Variants in ZNF638 observed in about 807,000 individuals in gnomAD.
ZNF638 encodes the protein CTCL tumor antigen se33-1.
A neutral mutation model predicts 195.6 loss-of-function variants in ZNF638; 46 were observed. That is an observed-to-expected ratio of 0.24 (90% CI 0.19 to 0.30). The LOEUF (loss-of-function observed/expected upper bound fraction) is 0.30, where lower values mean the gene tolerates loss of function less well. Ranked by LOEUF, ZNF638 falls within the 10% of genes least tolerant of loss-of-function variation. ZNF638 has a pLI of 1.00. For synonymous variants in ZNF638, 845 were observed against 772.0 expected, an observed-to-expected ratio of 1.09 and a Z score of -1.57; for missense variants, 2,440 against 2,325.3, an observed-to-expected ratio of 1.05 and a Z score of -1.01.
At chr2:71,388,613 G>A (rs746777490) in intron 10 of ZNF638, 29 of 798,742 alleles carry the variant, frequency 3.6e-5, no homozygotes, top group African/African-American at 3.4e-5. Context: ...TTCATCCGTC[G>A]CTCGGCCAGA....
At chr2:71,370,939 T>C (rs2079299701) in intron 8 of ZNF638, among the ~76,000 whole-genome samples, 1 of 152,206 alleles carries the variant, frequency 6.6e-6, no homozygotes, top group Admixed American at 6.5e-5. Flanking sequence ...ATTCTGTTTT[T>C]TTTTGGTACC....
At chr2:71,388,182 T>C (rs1371437450) in intron 10 of ZNF638, among the ~76,000 whole-genome samples, 1 of 152,152 alleles carries the variant, frequency 6.6e-6, no homozygotes, top group Non-Finnish European at 1.5e-5. Flanking sequence ...TTTGCAAAGC[T>C]TCGGGAGAGA....
Position 71,349,607 on chromosome 2 carries a change from G to C in ZNF638, c.653G>C (p.Gly218Ala). Residue 218 changes from glycine (G) to alanine (A), a missense_variant, in exon 2 of 28, where the codon GGC becomes GCC. Physicochemically the swap from Gly to Ala is moderately conservative, Grantham distance 60 (BLOSUM62 0). Around this residue, in one of 5 missense-constraint regions of ZNF638, gnomAD observed 305 missense variants for 283.6 expected, o/e 1.08. Coordinates refer to ENST00000264447, the MANE Select transcript of ZNF638 (RefSeq NM_014497.5). ...GATTATGGGCATGCAAGCAAATATG[G>C]CTACACAGAAGATCCACTTGAAGTA... ...VIDYGHASKY[G>A]YTEDPLEVRI... The C allele has an allele frequency of 6.2e-7, 1 of 1,614,152 alleles. No homozygotes were observed. Among genetic ancestry groups the C allele is most frequent in the Non-Finnish European group, 8.5e-7 (1 of 1,180,030 alleles).
chr2:71,425,207 T>TA (rs1240746340), intron 23 of ZNF638, among the ~76,000 whole-genome samples: 2 of 152,226 alleles, frequency 1.3e-5, no homozygotes, highest in Non-Finnish European at 2.9e-5. Context: ...TTTAGGTTTT[T>TA]ACCATTCATA....
intron 1 of ZNF638, among the ~76,000 whole-genome samples, chr2:71,337,721 T>C (rs2078695049): frequency 6.6e-6 from 1 of 152,248 alleles, no homozygotes. Context: ...TTATTCAGTC[T>C]ACTATTTGTA....
At chr2:71,428,680 A>G in intron 25 of ZNF638, 29 bp downstream of exon 25, 2 of 1,562,234 alleles carry the variant, frequency 1.3e-6, no homozygotes, top group African/African-American at 2.7e-5. Flanking sequence ...AATGGGAAGG[A>G]AAGTTACACA....
At chr2:71,360,651 G>A (rs917088705) in intron 3 of ZNF638, among the ~76,000 whole-genome samples, 6 of 151,806 alleles carry the variant, frequency 4.0e-5, no homozygotes, top group African/African-American at 1.5e-4. Flanking sequence ...TGGGAAACTT[G>A]TTGAATGTCC....
intron 21 of ZNF638, among the ~76,000 whole-genome samples, chr2:71,421,732 G>C (rs79870372): frequency 0.071 from 10,865 of 152,204 alleles, 567 homozygotes; most frequent in South Asian, 0.16. Context: ...TGATATGATA[G>C]GATCACTCTC....
chr2:71,406,229 G>A lies in ZNF638; in HGVS notation c.3102G>A (p.Val1034=). ...VLCVGLQFGK[V]DHHVFISNRN... is the part of the protein sequence containing the mutation. ...GTGTTGGACTTCAGTTTGGAAAAGT[G>A]GATCACCATGTATTCATAAGTAATA... is the stretch of plus-strand genomic sequence containing the variant. The change falls in exon 19 of 28, where the codon GTG becomes GTA. Residue 1034 remains valine, a synonymous_variant. Transcript: ENST00000264447. 6.2e-7 allele frequency: 1 copy of A among 1,612,650 alleles called. No individual in the cohort carries two copies. The highest frequency in any genetic ancestry group is 8.5e-7 in the Non-Finnish European group (1 of 1,178,796).
At position 71,426,655 on chromosome 2, in the gene ZNF638, C is replaced by T. The variant is rs776101056; in HGVS notation, c.4786C>T (p.Leu1596=). ...TSTPRGVEGE[L]SFVTLDEIGE... ...CACTCCTCGTGGTGTTGAGGGAGAA[C>T]TATCTTTTGTGACATTGGATGAGAT... is the stretch of plus-strand genomic sequence containing the variant. Residue 1596 remains leucine (L), a synonymous_variant, in exon 24 of 28, where the codon CTA becomes TTA. Coordinates refer to ENST00000264447, the MANE Select transcript of ZNF638 (RefSeq NM_014497.5). 8 of 1,614,196 alleles carry T rather than the reference C, an allele frequency of 5.0e-6. No homozygotes were observed. The highest frequency in any genetic ancestry group is 6.8e-6 in the Non-Finnish European group (8 of 1,180,030).
At chr2:71,335,488 C>T (rs2078650267) in intron 1 of ZNF638, among the ~76,000 whole-genome samples, 1 of 151,908 alleles carries the variant, frequency 6.6e-6, no homozygotes, top group Non-Finnish European at 1.5e-5. Flanking sequence ...GCTAACTTGC[C>T]TATTGTCTCT....
chr2:71,363,370 A>C (rs1012161198), intron 4 of ZNF638, among the ~76,000 whole-genome samples, 179 bp downstream of exon 4: 6 of 152,128 alleles, frequency 3.9e-5, no homozygotes, highest in African/African-American at 1.2e-4. Context: ...CCCTCCCCTG[A>C]TCTACTTTCT....
chr2:71,431,381 C>A lies in ZNF638; in HGVS notation c.5705C>A (p.Thr1902Asn), dbSNP rs778481720. 2.0e-5 allele frequency: 33 copies of A among 1,614,080 alleles called. No individual in the cohort carries two copies. In the South Asian group the frequency reaches 3.6e-4, roughly 18 times the overall value. ...GAACCAGAGCGAAAACGCAAGAAGA[C>A]TGAAGACTCTTCTTCAGGCAAATCA... ...DSEPERKRKK[T>N]EDSSSGKSVA... Residue 1902 changes from threonine (T) to asparagine (N), a missense_variant, in exon 26 of 28, where the codon ACT becomes AAT. This residue lies in a region of ZNF638 where 1,883 missense variants were observed against 1,739.1 expected (regional missense o/e 1.08). Transcript: ENST00000264447.
At chr2:71,335,856 A>T (rs1272275060) in intron 1 of ZNF638, among the ~76,000 whole-genome samples, 1 of 151,970 alleles carries the variant, frequency 6.6e-6, no homozygotes, top group East Asian at 1.9e-4. Flanking sequence ...ACTACCTCCC[A>T]CCCCCATGCA....
At chr2:71,345,166 T>G (rs967233569) in intron 1 of ZNF638, among the ~76,000 whole-genome samples, 15 of 152,188 alleles carry the variant, frequency 9.9e-5, no homozygotes, top group Non-Finnish European at 1.5e-4. Flanking sequence ...ATTTATAAAT[T>G]AAATGTTATC....
chr2:71,400,157 A>C lies in ZNF638; in HGVS notation c.2633A>C (p.Asn878Thr), dbSNP rs571966370. Reference sequence around the variant, plus strand: ...AGTATTGAAGTCAAAGCCACTGAAAACTGTGCTAAAGAAGCTATTTCTGGT... The same window carrying C: ...AGTATTGAAGTCAAAGCCACTGAAACCTGTGCTAAAGAAGCTATTTCTGGT... ...KTSIEVKATE[N>T]CAKEAISDAA... The change falls in exon 14 of 28, where the codon AAC becomes ACC. Residue 878 changes from asparagine (N) to threonine (T), a missense_variant. Coordinates refer to ENST00000264447, the MANE Select transcript of ZNF638 (RefSeq NM_014497.5). 34 of 1,608,058 alleles carry C rather than the reference A, an allele frequency of 2.1e-5. 1 individual carries two copies. The South Asian group carries it at 3.2e-4, about 15-fold the overall frequency.
chr2:71,392,950 A>T (rs2079813308), intron 10 of ZNF638, among the ~76,000 whole-genome samples: 1 of 152,228 alleles, frequency 6.6e-6, no homozygotes, highest in Non-Finnish European at 1.5e-5. Context: ...TGGAGAGTCC[A>T]CACGATACAT....
intron 3 of ZNF638, 123 bp downstream of exon 3, chr2:71,355,903 C>A: frequency 2.0e-6 from 1 of 490,038 alleles, no homozygotes. Flanking sequence ...AAGCTATTGT[C>A]TTTTAAAAAT....
At chr2:71,343,665 T>C (rs2078801880) in intron 1 of ZNF638, among the ~76,000 whole-genome samples, 2 of 152,248 alleles carry the variant, frequency 1.3e-5, no homozygotes, top group African/African-American at 4.8e-5. Context: ...CTTAAAAATG[T>C]AGATTCTGAC....
Sources: allele counts gnomAD v4.1 joint callset (sites outside exome capture counted in the v4.1 genomes callset), GRCh38; gene constraint gnomAD v4.1.1; regional missense constraint gnomAD v4.1.1; transcripts MANE v1.5; gene names NCBI Gene and HGNC (gene_info 2026-07-23, HGNC 2026-07-21).